Variants in C5 observed in about 807,000 individuals in gnomAD.
The protein encoded by C5 is complement C5.
A neutral mutation model predicts 218.8 loss-of-function variants in C5; 140 were observed. The ratio of observed to expected loss-of-function variants is 0.64; its 90% CI spans 0.56 to 0.74. C5 has a LOEUF of 0.74. Among genes scored for constraint, C5 ranks in the 30% least tolerant of loss-of-function variants. The pLI, the probability that C5 is intolerant of heterozygous loss-of-function variation, is 0.00. For synonymous variants in C5, 614 were observed against 682.3 expected, an observed-to-expected ratio of 0.90 and a Z score of 1.56; for missense variants, 1,700 against 1,969.6, an observed-to-expected ratio of 0.86 and a Z score of 2.59.
intron 11 of C5, 127 bp downstream of exon 11, chr9:121,021,382 G>A (rs1334642633): frequency 8.1e-6 from 6 of 741,326 alleles, no homozygotes; most frequent in Non-Finnish European, 1.4e-5. Context: ...TGTCTTGGAT[G>A]CAAAATTATG....
Position 121,034,814 on chromosome 9 carries a change from C to T in C5, c.573G>A (p.Pro191=), listed in dbSNP as rs144254021. The change falls in exon 5 of 41, where the codon CCG becomes CCA. Residue 191 remains proline, a synonymous_variant. Coordinates refer to ENST00000223642, the MANE Select transcript of C5 (RefSeq NM_001735.3). ...CTATTTTTACATACCTAGGATTAGA[C>T]GGAATCTTGAAGTCAGGAAAAGAGA... The part of the protein sequence containing the change: ...GIISFPDFKI[P]SNPRYGMWTI... 1.2e-4 allele frequency: 192 copies of T among 1,547,648 alleles called. 1 individual carries two copies. The highest frequency in any genetic ancestry group is 4.6e-4 in the African/African-American group (34 of 73,602).
chr9:120,996,637 A>G (rs1173085123), intron 21 of C5, among the ~76,000 whole-genome samples: 1 of 152,242 alleles, frequency 6.6e-6, no homozygotes, highest in East Asian at 1.9e-4. Flanking sequence ...ACACATGGAA[A>G]TCAAGTAACA....
intron 29 of C5, 94 bp from the exon 30 acceptor site, chr9:120,975,025 T>C (rs1256011878): frequency 7.1e-7 from 1 of 1,405,470 alleles, no homozygotes; most frequent in African/African-American, 1.4e-5. Flanking sequence ...AGGGCAGCAT[T>C]GTCTGGAGAT....
chr9:121,022,709 T>G (rs1362040598), intron 10 of C5, among the ~76,000 whole-genome samples: 1 of 150,026 alleles, frequency 6.7e-6, no homozygotes, highest in Non-Finnish European at 1.5e-5. Context: ...ATCAACATAA[T>G]AAAATATATT....
intron 37 of C5, 52 bp from the exon 38 acceptor site, chr9:120,960,389 C>T (rs1031738608): frequency 9.1e-6 from 11 of 1,207,304 alleles, no homozygotes; most frequent in Middle Eastern, 1.9e-4. Context: ...GAAGTAGACA[C>T]TCTTTCCAGG....
At chr9:120,965,521 A>AAAATAAATAAAT (rs201361366) in intron 33 of C5, among the ~76,000 whole-genome samples, 29 of 147,102 alleles carry the variant, frequency 2.0e-4, no homozygotes, top group Admixed American at 7.5e-4. Context: ...CTCTGCCTCA[A>AAAATAAATAAAT]AAATAAATAA....
At chr9:120,972,273 C>T (rs1195105470) in intron 30 of C5, among the ~76,000 whole-genome samples, 1 of 152,216 alleles carries the variant, frequency 6.6e-6, no homozygotes, top group Non-Finnish European at 1.5e-5. Flanking sequence ...TTTTCATTTA[C>T]ATATGGCTAT....
intron 23 of C5, 146 bp downstream of exon 23, chr9:120,991,045 G>A (rs1239736101): frequency 1.6e-6 from 1 of 627,410 alleles, no homozygotes; most frequent in African/African-American, 1.8e-5. Flanking sequence ...GAAAGTGGGG[G>A]TGGGTAGGGG....
At chr9:121,007,326 A>G (rs538531216) in intron 18 of C5, among the ~76,000 whole-genome samples, 11 of 152,354 alleles carry the variant, frequency 7.2e-5, no homozygotes, top group Middle Eastern at 6.8e-3. Context: ...TGCTCAAAAC[A>G]AAGTTGACAT....
At chr9:120,959,092 T>C (rs2046807055) in intron 38 of C5, among the ~76,000 whole-genome samples, 1 of 151,174 alleles carries the variant, frequency 6.6e-6, no homozygotes, top group Non-Finnish European at 1.5e-5. Context: ...CCAGCCCTCA[T>C]GAAGTTCTTA....
At chr9:120,964,824 A>T (rs965763791) in intron 33 of C5, among the ~76,000 whole-genome samples, 2 of 152,218 alleles carry the variant, frequency 1.3e-5, no homozygotes, top group African/African-American at 4.8e-5. Flanking sequence ...TGTAAAATTA[A>T]CTGTGAAGAA....
At chr9:121,026,393 T>A (rs1193778586) in intron 8 of C5, among the ~76,000 whole-genome samples, 1 of 152,224 alleles carries the variant, frequency 6.6e-6, no homozygotes, top group East Asian at 1.9e-4. Flanking sequence ...GAAACTATGC[T>A]GTCTCTGGGC....
chr9:121,019,529 A>C (rs2131768233), intron 12 of C5, among the ~76,000 whole-genome samples: 1 of 152,334 alleles, frequency 6.6e-6, no homozygotes, highest in Middle Eastern at 3.4e-3. Context: ...AATTCTCAGG[A>C]GAGGATTTTG....
chr9:120,976,897 G>C lies in C5; in HGVS notation c.3667C>G (p.Pro1223Ala). Residue 1223 changes from proline to alanine, a missense_variant, in exon 29 of 41, where the codon CCC becomes GCC. Transcript: ENST00000223642. Reference sequence around the variant, plus strand: ...TTGTCTTTCCAAAAACGATAAATGGGTGGATTACCTGAACATCAACAAATT... The same window carrying C: ...TTGTCTTTCCAAAAACGATAAATGGCTGGATTACCTGAACATCAACAAATT... ...KREALVKGNP[P>A]IYRFWKDNLQ... The C allele has an allele frequency of 6.2e-7, 1 of 1,613,244 alleles. No individual in the cohort carries two copies. The highest frequency in any genetic ancestry group is 8.5e-7 in the Non-Finnish European group (1 of 1,179,210).
intron 2 of C5, among the ~76,000 whole-genome samples, chr9:121,044,684 C>T (rs945500854): frequency 2.6e-5 from 4 of 152,014 alleles, no homozygotes; most frequent in Non-Finnish European, 5.9e-5. Context: ...CTATGATTGC[C>T]CCACCTTAAT....
chr9:121,055,045 T>C (rs1447959580), upstream of C5, among the ~76,000 whole-genome samples: 5 of 152,060 alleles, frequency 3.3e-5, no homozygotes, highest in Admixed American at 2.0e-4. Flanking sequence ...TCTCAACCAA[T>C]TGTCAACTGA....
chr9:120,970,893 T>C (rs41312877), intron 31 of C5, among the ~76,000 whole-genome samples: 16,799 of 152,186 alleles, frequency 0.11, 1,103 homozygotes, highest in African/African-American at 0.19. Context: ...ACCTGCCAGC[T>C]GGGCGTGGTG....
intron 3 of C5, among the ~76,000 whole-genome samples, chr9:121,039,928 C>T (rs559651617): frequency 3.3e-5 from 5 of 152,178 alleles, no homozygotes; most frequent in African/African-American, 4.8e-5. Flanking sequence ...TGAGCCACCG[C>T]GCCCGGCCTT....
At chr9:121,039,139 A>G (rs1315756491) in intron 3 of C5, among the ~76,000 whole-genome samples, 2 of 152,200 alleles carry the variant, frequency 1.3e-5, no homozygotes, top group Admixed American at 1.3e-4. Flanking sequence ...GTGTGCTCAT[A>G]GTGTCCTTGT....
Sources: gnomAD v4.1 joint callset for allele counts (sites outside exome capture counted in the v4.1 genomes callset) on GRCh38, gnomAD v4.1.1 for gene constraint, MANE v1.5 for transcripts, NCBI Gene and HGNC (gene_info 2026-07-23, HGNC 2026-07-21) for gene names.